Variants in KCNK2 observed in about 807,000 individuals in gnomAD.
KCNK2 encodes the protein potassium channel subfamily K member 2.
In KCNK2, 21 loss-of-function variants were observed where a neutral mutation model predicts 40.5. That is an observed-to-expected ratio of 0.52 (90% confidence interval 0.37 to 0.75). The LOEUF is 0.75. Among genes scored for constraint, KCNK2 ranks in the 30% least tolerant of loss-of-function variants. KCNK2 has a pLI of 0.00. For missense variants in KCNK2, 399 were observed against 531.6 expected (o/e 0.75, Z 2.45); for synonymous variants, 191 against 202.2 (o/e 0.94, Z 0.47).
intron 5 of KCNK2, among the ~76,000 whole-genome samples, chr1:215,174,255 A>T (rs1200502628): frequency 6.6e-6 from 1 of 152,096 alleles, no homozygotes; most frequent in African/African-American, 2.4e-5. Context: ...TGTTTTTGTC[A>T]GGTCTGTCAA....
chr1:215,157,271 G>A (rs1327550191), intron 3 of KCNK2, among the ~76,000 whole-genome samples: 2 of 152,092 alleles, frequency 1.3e-5, no homozygotes, highest in African/African-American at 2.4e-5. Context: ...ATCCCTCACG[G>A]GGTGACCACT....
Position 215,082,742 on chromosome 1 carries a change from A to G in KCNK2, c.-644A>G, listed in dbSNP as rs1032397323. On this transcript the variant is annotated 5_prime_UTR_variant, in exon 1 of 7. Transcript: ENST00000444842. Reference sequence around the variant, plus strand: ...AGGGAGTTCCGAAAGGAGGGAAACGAGCCGGCAAGGGGCGACAGGAGCGAG... The same window carrying G: ...AGGGAGTTCCGAAAGGAGGGAAACGGGCCGGCAAGGGGCGACAGGAGCGAG... Among the ~76,000 whole-genome samples, 8 of 151,818 alleles carry G rather than the reference A, an allele frequency of 5.3e-5. No homozygotes were observed. The highest frequency in any genetic ancestry group is 1.9e-4 in the African/African-American group (8 of 41,430).
chr1:215,101,435 A>G (rs1365956696), intron 2 of KCNK2, among the ~76,000 whole-genome samples: 1 of 151,872 alleles, frequency 6.6e-6, no homozygotes, highest in Non-Finnish European at 1.5e-5. Flanking sequence ...TGTTCAAGGA[A>G]AAGGCAGCAC....
chr1:215,180,043 T>C (rs1015835285), intron 5 of KCNK2, among the ~76,000 whole-genome samples: 2 of 152,166 alleles, frequency 1.3e-5, no homozygotes, highest in Non-Finnish European at 2.9e-5. Flanking sequence ...GGTGGTCTAA[T>C]GTTGGGTGCA....
At chr1:215,078,511 T>C (rs1659034190), upstream of KCNK2, among the ~76,000 whole-genome samples, 1 of 152,116 alleles carries the variant, frequency 6.6e-6, no homozygotes, top group Non-Finnish European at 1.5e-5. Context: ...TCAGTGCCAG[T>C]AGGGGAAATG....
intron 5 of KCNK2, among the ~76,000 whole-genome samples, chr1:215,182,674 C>T (rs1263850710): frequency 1.3e-5 from 2 of 152,168 alleles, no homozygotes; most frequent in African/African-American, 4.8e-5. Flanking sequence ...GAAGCTCCTA[C>T]CCCACTCGAG....
At chr1:215,224,406 AAAGAAAGTATT>A (rs1452075085) in intron 6 of KCNK2, among the ~76,000 whole-genome samples, 4 of 152,120 alleles carry the variant, frequency 2.6e-5, no homozygotes, top group Non-Finnish European at 5.9e-5. Flanking sequence ...GCAGAGGGAG[AAAGAAAGTATT>A]AAGAAGTACT....
chr1:215,165,987 G>A (rs545490784), intron 3 of KCNK2, among the ~76,000 whole-genome samples: 48 of 152,186 alleles, frequency 3.2e-4, no homozygotes, highest in East Asian at 9.7e-4. Context: ...AGGCTCTAAC[G>A]TAAAATGGTT....
At chr1:215,010,965 T>C (rs1033946304) in intron 1 of KCNK2, among the ~76,000 whole-genome samples, 3 of 144,976 alleles carry the variant, frequency 2.1e-5, no homozygotes, top group African/African-American at 7.6e-5. Flanking sequence ...ATACATTACA[T>C]AATATAAATA....
chr1:215,105,765 T>G lies in KCNK2; in HGVS notation c.358-18868T>G, dbSNP rs146487853. 2.0e-3 allele frequency among the ~76,000 whole-genome samples: 302 copies of G among 152,088 alleles called. 1 individual carries two copies. The highest frequency in any genetic ancestry group is 2.9e-3 in the Admixed American group (44 of 15,242). On this transcript the variant is annotated intron_variant, in intron 2 of 6. Transcript: ENST00000444842. Reference sequence around the variant, plus strand: ...CCTTCCTTCTTCCCTGCTCTAGTAGTTCCCGGTGTCTGTTGTTCCCATCTT... The same window carrying G: ...CCTTCCTTCTTCCCTGCTCTAGTAGGTCCCGGTGTCTGTTGTTCCCATCTT...
intron 1 of KCNK2, among the ~76,000 whole-genome samples, chr1:215,067,323 T>A (rs937972039): frequency 4.5e-4 from 69 of 152,164 alleles, no homozygotes; most frequent in Admixed American, 2.6e-4. Flanking sequence ...TATATATAAT[T>A]TTTTAAAAAA....
chr1:215,012,481 T>TTTTTC (rs1491125943), intron 1 of KCNK2, among the ~76,000 whole-genome samples: 11 of 47,318 alleles, frequency 2.3e-4, no homozygotes, highest in African/African-American at 7.7e-4. Context: ...TTTCTTTTTC[T>TTTTTC]TTTTTTTTTG....
chr1:215,034,183 G>C (rs560825076), intron 1 of KCNK2, among the ~76,000 whole-genome samples: 13 of 152,234 alleles, frequency 8.5e-5, no homozygotes, highest in African/African-American at 2.4e-4. Context: ...AGTTAGAATG[G>C]AGTGGTGACT....
At chr1:215,102,471 A>G (rs1177815021) in intron 2 of KCNK2, among the ~76,000 whole-genome samples, 9 of 152,088 alleles carry the variant, frequency 5.9e-5, no homozygotes, top group Admixed American at 5.9e-4. Flanking sequence ...TGTTAAAAAA[A>G]ATTTTAAAGT....
chr1:215,027,311 G>A (rs899280303), intron 1 of KCNK2, among the ~76,000 whole-genome samples: 60 of 152,110 alleles, frequency 3.9e-4, no homozygotes, highest in Middle Eastern at 3.4e-3. Context: ...CAAGCTTTCT[G>A]TTTGATTCCT....
chr1:215,165,800 T>C (rs1401406415), intron 3 of KCNK2, among the ~76,000 whole-genome samples: 4 of 152,024 alleles, frequency 2.6e-5, no homozygotes, highest in African/African-American at 4.8e-5. Context: ...AATCAGTTAA[T>C]TTTAGGACTT....
chr1:215,209,461 T>C (rs369145613), intron 6 of KCNK2, among the ~76,000 whole-genome samples: 1 of 2,236 alleles, frequency 4.5e-4, no homozygotes, highest in South Asian at 0.083. Flanking sequence ...TATTATATAT[T>C]ATATATAATA....
intron 3 of KCNK2, among the ~76,000 whole-genome samples, chr1:215,167,802 A>G (rs971515557): frequency 6.6e-6 from 1 of 151,944 alleles, no homozygotes; most frequent in African/African-American, 2.4e-5. Flanking sequence ...CAGGATTATC[A>G]GCAATAGAGA....
At chr1:215,210,831 A>T (rs1021141813) in intron 6 of KCNK2, among the ~76,000 whole-genome samples, 2 of 144,998 alleles carry the variant, frequency 1.4e-5, no homozygotes, top group African/African-American at 5.1e-5. Context: ...AGAAAATTGC[A>T]TAAAGAAGGT....
Sources: gnomAD v4.1 joint callset for allele counts (sites outside exome capture counted in the v4.1 genomes callset) on GRCh38, gnomAD v4.1.1 for gene constraint, MANE v1.5 for transcripts, NCBI Gene and HGNC (gene_info 2026-07-23, HGNC 2026-07-21) for gene names.